Variants in NAV2 observed in about 807,000 individuals in gnomAD.
The protein encoded by NAV2 is neuron navigator 2.
A neutral mutation model predicts 223.2 loss-of-function variants in NAV2; 54 were observed. The observed-to-expected ratio is 0.24, with a 90% CI of 0.19 to 0.30. The LOEUF (loss-of-function observed/expected upper bound fraction) is 0.30. NAV2 is among the 10% of genes least tolerant of loss of function. The pLI is 1.00. For synonymous variants in NAV2, 1,279 were observed against 1,239.3 expected (o/e 1.03, Z -0.67); for missense variants, 2,806 against 3,147.5 (o/e 0.89, Z 2.60).
intron 29 of NAV2, 133 bp downstream of exon 29, chr11:20,093,332 A>G: frequency 1.5e-6 from 1 of 651,324 alleles, no homozygotes; most frequent in Non-Finnish European, 2.8e-6. Context: ...CCCTTCTCTT[A>G]ACTAACCATA....
At chr11:19,469,705 C>A (rs2041902237) in intron 1 of NAV2, among the ~76,000 whole-genome samples, 1 of 152,176 alleles carries the variant, frequency 6.6e-6, no homozygotes, top group South Asian at 2.1e-4. Context: ...CCACTGAAGT[C>A]CAAGCATCAT....
At chr11:19,842,004 T>C (rs1232767258) in intron 2 of NAV2, among the ~76,000 whole-genome samples, 1 of 152,220 alleles carries the variant, frequency 6.6e-6, no homozygotes, top group African/African-American at 2.4e-5. Context: ...TGTCACACGC[T>C]AAGAAGCTCT....
chr11:19,683,679 T>C (rs768838793), intron 1 of NAV2, among the ~76,000 whole-genome samples: 1 of 152,236 alleles, frequency 6.6e-6, no homozygotes, highest in African/African-American at 2.4e-5. Flanking sequence ...AAGGCTGGGC[T>C]TCCAGTCGGG....
chr11:19,937,513 G>A (rs1005714278), intron 7 of NAV2, among the ~76,000 whole-genome samples: 1 of 152,188 alleles, frequency 6.6e-6, no homozygotes, highest in Non-Finnish European at 1.5e-5. Flanking sequence ...TTTACTAAGA[G>A]TTGTGTGTCA....
chr11:19,345,366 G>A, the NAV2 span, among the ~76,000 whole-genome samples: 6 of 152,228 alleles, frequency 3.9e-5, no homozygotes, highest in Admixed American at 3.9e-4. This position sits in a 1 kb window ranked among gnomAD's most constrained non-coding sequence, Gnocchi z 5.2. Flanking sequence ...ACTGCCCGGC[G>A]GCGGGACCGG....
chr11:19,851,235 G>A (rs2061101035), intron 3 of NAV2, among the ~76,000 whole-genome samples: 5 of 152,098 alleles, frequency 3.3e-5, no homozygotes, highest in Admixed American at 6.6e-5. Context: ...TTTGTTTGCT[G>A]GAAGCCTGGC....
At chr11:19,574,864 A>G (rs2045526458) in intron 1 of NAV2, among the ~76,000 whole-genome samples, 1 of 152,192 alleles carries the variant, frequency 6.6e-6, no homozygotes, top group Non-Finnish European at 1.5e-5. Context: ...AGACATCACA[A>G]AGGAAACAAC....
In NAV2 at chr11:19,439,217, C is replaced by A. The variant is rs1178918517; in HGVS notation, c.75+88190C>A. Among the ~76,000 whole-genome samples, 7 of 152,038 alleles carry A rather than the reference C, an allele frequency of 4.6e-5. No individual in the cohort carries two copies. In the East Asian group the frequency reaches 1.2e-3, roughly 25 times the overall value. On this transcript the variant is annotated intron_variant, in intron 1 of 37. Coordinates refer to the NAV2 transcript ENST00000360655. ...GTTTTAGAAACTCTCTGCCAGGAAC[C>A]CAAGACAAAGACCAAATATATATTT...
intron 10 of NAV2, among the ~76,000 whole-genome samples, chr11:19,964,536 T>C (rs2048598999): frequency 6.6e-6 from 1 of 151,558 alleles, no homozygotes; most frequent in Non-Finnish European, 1.5e-5. Context: ...AGCTCTGTTG[T>C]GCAGGCTGGA....
In NAV2 at chr11:19,719,646, G is replaced by A. The variant is rs143164849; in HGVS notation, c.267+5684G>A. The stretch of plus-strand genomic sequence containing the variant: ...TATGTCTGCCTCATTCCAAGCTCAC[G>A]TTCTTTCCACCCTACCTCTCTGCCT... On this transcript the variant is annotated intron_variant, in intron 1 of 37. Coordinates refer to ENST00000349880, the MANE Select transcript of NAV2 (RefSeq NM_145117.5). 1.0e-3 allele frequency among the ~76,000 whole-genome samples: 158 copies of A among 152,262 alleles called. 2 individuals carry two copies. In the East Asian group the frequency reaches 0.024, roughly 23 times the overall value.
At chr11:19,632,398 A>C (rs919252886) in intron 1 of NAV2, among the ~76,000 whole-genome samples, 5 of 152,156 alleles carry the variant, frequency 3.3e-5, no homozygotes, top group Non-Finnish European at 7.4e-5. Flanking sequence ...GTCCAAATGA[A>C]ATAATGTTCA....
intron 10 of NAV2, among the ~76,000 whole-genome samples, chr11:19,951,537 T>A (rs2047396376): frequency 6.6e-6 from 1 of 151,722 alleles, no homozygotes; most frequent in South Asian, 2.1e-4. Flanking sequence ...TTTCATATAC[T>A]ACCGAACAAA....
intron 1 of NAV2, among the ~76,000 whole-genome samples, chr11:19,614,584 A>C (rs2046740028): frequency 6.6e-6 from 1 of 152,102 alleles, no homozygotes; most frequent in Non-Finnish European, 1.5e-5. Flanking sequence ...ACATTGACAT[A>C]TCATGGTTAT....
At chr11:19,439,067 C>T (rs1851309903) in intron 1 of NAV2, among the ~76,000 whole-genome samples, 1 of 152,130 alleles carries the variant, frequency 6.6e-6, no homozygotes, top group Admixed American at 6.6e-5. Context: ...CAGCCCCCAT[C>T]TTGAAGTTTT....
intron 1 of NAV2, among the ~76,000 whole-genome samples, chr11:19,484,948 C>A (rs2042393823): frequency 6.6e-6 from 1 of 152,228 alleles, no homozygotes. Context: ...AGATGTAGAA[C>A]AATCCTCTAT....
At chr11:19,752,866 A>G (rs2152505407) in intron 1 of NAV2, among the ~76,000 whole-genome samples, 1 of 152,252 alleles carries the variant, frequency 6.6e-6, no homozygotes, top group African/African-American at 2.4e-5. Flanking sequence ...GTGTTCCCCC[A>G]AATTCATATG....
intron 18 of NAV2, among the ~76,000 whole-genome samples, chr11:20,055,162 G>C (rs1291080091): frequency 3.9e-5 from 6 of 152,100 alleles, no homozygotes; most frequent in Non-Finnish European, 7.3e-5. Flanking sequence ...AATCAAGTGA[G>C]GTTTAACACT....
intron 1 of NAV2, among the ~76,000 whole-genome samples, chr11:19,674,232 T>C (rs964147813): frequency 6.6e-6 from 1 of 152,232 alleles, no homozygotes; most frequent in African/African-American, 2.4e-5. Flanking sequence ...GCCTGGAAAC[T>C]TCCCGAGACT....
chr11:19,981,593 C>T (rs888824836), intron 10 of NAV2, among the ~76,000 whole-genome samples: 1 of 152,228 alleles, frequency 6.6e-6, no homozygotes, highest in East Asian at 1.9e-4. Flanking sequence ...GCTGGGCAGA[C>T]TTGGCTAAGA....
Sources: allele counts gnomAD v4.1 joint callset (sites outside exome capture counted in the v4.1 genomes callset), GRCh38; gene constraint gnomAD v4.1.1; non-coding constraint Gnocchi (gnomAD v3.1); transcripts MANE v1.5; gene names NCBI Gene and HGNC (gene_info 2026-07-23, HGNC 2026-07-21).